The following OTOA variants were observed in gnomAD, a reference collection of about 807,000 sequenced individuals.
The protein encoded by OTOA is cancer/testis antigen 108.
A neutral mutation model predicts 110.8 loss-of-function variants in OTOA; 70 were observed. The ratio of observed to expected loss-of-function variants is 0.63; its 90% confidence interval spans 0.52 to 0.77. The LOEUF is 0.77. Among genes scored for constraint, OTOA ranks in the 30% least tolerant of loss-of-function variants. The pLI is 0.00. For missense variants in OTOA, 917 were observed against 1,075.8 expected, an observed-to-expected ratio of 0.85 and a Z score of 2.06; for synonymous variants, 373 against 431.5, an observed-to-expected ratio of 0.86 and a Z score of 1.68.
chr16:21,736,101 A>G (rs1034396537), intron 21 of OTOA, among the ~76,000 whole-genome samples, 160 bp from the exon 22 acceptor site: 19 of 152,240 alleles, frequency 1.2e-4, no homozygotes, highest in African/African-American at 4.6e-4. Context: ...AGGATTCTTT[A>G]TAGAGACCAC....
intron 12 of OTOA, among the ~76,000 whole-genome samples, chr16:21,707,942 C>T (rs894573763): frequency 7.9e-5 from 12 of 151,550 alleles, no homozygotes; most frequent in African/African-American, 1.5e-4. Context: ...TACAGGTGCA[C>T]GCCACCACGC....
intron 21 of OTOA, among the ~76,000 whole-genome samples, chr16:21,735,912 G>A (rs1299836122): frequency 6.6e-6 from 1 of 152,200 alleles, no homozygotes; most frequent in African/African-American, 2.4e-5. Flanking sequence ...ATTTTTTGTC[G>A]ATATTACCAG....
At chr16:21,717,121 G>A (rs1567386779) in intron 15 of OTOA, 74 bp downstream of exon 15, 1 of 1,586,484 alleles carries the variant, frequency 6.3e-7, no homozygotes, top group South Asian at 1.1e-5. Context: ...TCTGTTTTAA[G>A]GTTAATTTGA....
Position 21,695,893 on chromosome 16 carries a change from T to A in OTOA, c.740-1882T>A, listed in dbSNP as rs867140663. ...TATATATATATATATATATATATAT[T>A]TTTTTTTTTTTTTTTTTCTGAGATG... On this transcript the variant is annotated intron_variant, in intron 9 of 28. Coordinates refer to ENST00000646100, the MANE Select transcript of OTOA (RefSeq NM_144672.4). 0.01 allele frequency among the ~76,000 whole-genome samples: 640 copies of A among 62,674 alleles called. 8 individuals carry two copies. In the East Asian group the frequency reaches 0.18, roughly 17 times the overall value. The allele number at this position is 62,674 out of a possible 152,430, so 41.1% of individuals were successfully genotyped here.
chr16:21,704,818 GGT>G, intron 11 of OTOA: 90 of 720,344 alleles, frequency 1.2e-4, no homozygotes, highest in East Asian at 2.5e-4. Flanking sequence ...ATAGGCGGAG[GGT>G]AATGAGACTT....
intron 7 of OTOA, among the ~76,000 whole-genome samples, chr16:21,685,842 C>G (rs899929134): frequency 6.6e-6 from 1 of 152,100 alleles, no homozygotes; most frequent in African/African-American, 2.4e-5. Context: ...GTGTGAGCCA[C>G]CATGCCTGGC....
chr16:21,682,189 G>T (rs1468304000), intron 6 of OTOA, among the ~76,000 whole-genome samples: 2 of 152,150 alleles, frequency 1.3e-5, no homozygotes, highest in East Asian at 3.8e-4. Flanking sequence ...AAGGACCCAG[G>T]TTCCTTTTAT....
chr16:21,701,033 C>A lies in OTOA; in HGVS notation c.980+6C>A. 1 of 1,614,156 alleles carries A rather than the reference C, an allele frequency of 6.2e-7. No individual in the cohort carries two copies. The highest frequency in any genetic ancestry group is 8.5e-7 in the Non-Finnish European group (1 of 1,180,028). On this transcript the variant is annotated splice_donor_region_variant and intron_variant, in intron 11 of 28. Coordinates refer to ENST00000646100, the MANE Select transcript of OTOA (RefSeq NM_144672.4). ...AATACCTCCACCATCCACAGGCAAG[C>A]GCATGAGCTCTGGGCCTTGGAGCCC...
intron 8 of OTOA, among the ~76,000 whole-genome samples, chr16:21,690,436 C>G (rs913867618): frequency 9.3e-5 from 14 of 150,082 alleles, no homozygotes; most frequent in Non-Finnish European, 2.1e-4. Context: ...CAAGTGAGAA[C>G]ATGGGGTGTT....
intron 7 of OTOA, among the ~76,000 whole-genome samples, chr16:21,685,832 G>A (rs922293328): frequency 1.3e-5 from 2 of 152,100 alleles, no homozygotes; most frequent in African/African-American, 2.4e-5. Flanking sequence ...GGGATTACAG[G>A]TGTGAGCCAC....
chr16:21,721,483 C>T (rs1163484711), intron 17 of OTOA: 14 of 455,966 alleles, frequency 3.1e-5, no homozygotes, highest in Non-Finnish European at 6.2e-5. Context: ...AGGACAGCAC[C>T]ACTACACAGA....
In OTOA at chr16:21,687,571, G is replaced by A. The variant is rs1480247120; in HGVS notation, c.558G>A (p.Gly186=). ...AGATCCTGGGCAAGGTGCTGAGGGG[G>A]TCCTCAGGGAGCTTTCTCCAGCCAG... is the stretch of plus-strand genomic sequence containing the variant. ...CVEILGKVLR[G]SSGSFLQPDI... The change falls in exon 8 of 29, where the codon GGG becomes GGA. Residue 186 remains glycine (G), a synonymous_variant. Transcript: ENST00000646100. 1.9e-6 allele frequency: 3 copies of A among 1,613,984 alleles called. No homozygotes were observed. The highest frequency in any genetic ancestry group is 4.5e-5 in the East Asian group (2 of 44,864).
intron 28 of OTOA, among the ~76,000 whole-genome samples, chr16:21,759,118 A>G (rs1334201561): frequency 6.6e-6 from 1 of 152,194 alleles, no homozygotes; most frequent in Non-Finnish European, 1.5e-5. Flanking sequence ...GCAATAGATA[A>G]TGCACAGGGT....
intron 17 of OTOA, 82 bp from the exon 18 acceptor site, chr16:21,722,823 G>T (rs1898798668): frequency 3.0e-5 from 38 of 1,263,750 alleles, no homozygotes; most frequent in Non-Finnish European, 4.2e-5. Flanking sequence ...GAAGCACTTA[G>T]AATAGTACCT....
intron 17 of OTOA, among the ~76,000 whole-genome samples, chr16:21,722,358 ATATAGTTAAGCTATATATAACTATATG>A (rs983420320): frequency 3.7e-4 from 35 of 94,166 alleles, no homozygotes; most frequent in South Asian, 1.0e-3. Flanking sequence ...AAAACTATAT[ATATAGTTAAGCTATATATAACTATATG>A]TATAGTTAAG....
At chr16:21,667,894 C>G (rs774957693) in intron 1 of OTOA, among the ~76,000 whole-genome samples, 1 of 152,036 alleles carries the variant, frequency 6.6e-6, no homozygotes, top group Admixed American at 6.6e-5. Flanking sequence ...ATTTAAACAA[C>G]CTAAAAAATC....
chr16:21,707,655 T>TTCTTTCTTTC (rs1391942283), intron 12 of OTOA, among the ~76,000 whole-genome samples: 46 of 100,412 alleles, frequency 4.6e-4, no homozygotes, highest in African/African-American at 1.4e-3. Context: ...CTTTCTTTCT[T>TTCTTTCTTTC]TCTCTTTCTT....
At chr16:21,668,246 C>CT (rs1487051811) in intron 1 of OTOA, among the ~76,000 whole-genome samples, 1 of 151,868 alleles carries the variant, frequency 6.6e-6, no homozygotes, top group African/African-American at 2.4e-5. Flanking sequence ...GTGGCTAGGA[C>CT]TACAGGTGTG....
At chr16:21,675,057 C>T (rs1236765201) in intron 1 of OTOA, among the ~76,000 whole-genome samples, 1 of 130,214 alleles carries the variant, frequency 7.7e-6, no homozygotes. Context: ...GTCATGTTTT[C>T]TTTCTGTCTT....
Sources: allele counts gnomAD v4.1 joint callset (sites outside exome capture counted in the v4.1 genomes callset), GRCh38; gene constraint gnomAD v4.1.1; transcripts MANE v1.5; gene names NCBI Gene and HGNC (gene_info 2026-07-23, HGNC 2026-07-21).